Variants in SLC5A8 observed in about 807,000 individuals in gnomAD.
SLC5A8 encodes solute carrier family 5 member 8.
SLC5A8 carries 55 observed loss-of-function variants against 71.9 expected under a neutral mutation model. The observed-to-expected ratio is 0.77, with a 90% CI of 0.62 to 0.96. The LOEUF is 0.96. Among genes scored for constraint, SLC5A8 ranks in the 40% least tolerant of loss-of-function variants. The pLI is 0.00. For missense variants in SLC5A8, 701 were observed against 745.3 expected (o/e 0.94, Z 0.69); for synonymous variants, 307 against 276.1 (o/e 1.11, Z -1.11).
At chr12:101,177,442 TATACACACACACACAC>T (rs1194275733) in intron 10 of SLC5A8, among the ~76,000 whole-genome samples, 6 of 133,438 alleles carry the variant, frequency 4.5e-5, no homozygotes, top group African/African-American at 1.9e-4. Context: ...AAAGGCAGTA[TATACACACACACACAC>T]ACACACACAC....
Position 101,209,528 on chromosome 12 carries a change from G to A in SLC5A8, c.321C>T (p.Phe107=). Residue 107 remains phenylalanine (F), a synonymous_variant, in exon 1 of 15, where the codon TTC becomes TTT. Transcript: ENST00000536262. ...AGGTGCTGGTAATTCCCAGTTTGTA[G>A]AACACCGGGAGGAAGACCTCCGCGC... is the stretch of plus-strand genomic sequence containing the variant. ...VISAEVFLPV[F]YKLGITSTYE... 1 of 1,594,096 alleles carries A rather than the reference G, an allele frequency of 6.3e-7. No individual in the cohort carries two copies. The highest frequency in any genetic ancestry group is 8.6e-7 in the Non-Finnish European group (1 of 1,167,370).
Position 101,190,576 on chromosome 12 carries a change from A to G in SLC5A8, c.725T>C (p.Phe242Ser). 1 of 1,613,022 alleles carries G rather than the reference A, an allele frequency of 6.2e-7. No homozygotes were observed. Among genetic ancestry groups the G allele is most frequent in the Non-Finnish European group, 8.5e-7 (1 of 1,179,610 alleles). Residue 242 changes from phenylalanine to serine, a missense_variant, in exon 6 of 15, where the codon TTC (phenylalanine) becomes TCC (serine). By Grantham distance (155) the Phe-to-Ser change is radical. Transcript: ENST00000536262. ...GGTCCCTCCTATAATAATTGTCCAG[A>G]AGGTGTGTCTTTGCAAAGGGTTAGG... ...FNPNPLQRHT[F>S]WTIIIGGTFT...
At chr12:101,193,885 G>C (rs975852283) in intron 4 of SLC5A8, 106 bp from the exon 5 acceptor site, 8 of 1,125,680 alleles carry the variant, frequency 7.1e-6, no homozygotes, top group Non-Finnish European at 8.7e-6. Flanking sequence ...ATGAATGTTG[G>C]CTAAGAAGTG....
At chr12:101,177,393 T>C (rs1344549612) in intron 10 of SLC5A8, among the ~76,000 whole-genome samples, 1 of 151,640 alleles carries the variant, frequency 6.6e-6, no homozygotes, top group Admixed American at 6.6e-5. Context: ...TCCTTCCCAA[T>C]TTATTTTATG....
At chr12:101,178,336 A>G (rs1206303330) in intron 10 of SLC5A8, among the ~76,000 whole-genome samples, 5 of 152,172 alleles carry the variant, frequency 3.3e-5, no homozygotes, top group Non-Finnish European at 7.4e-5. Flanking sequence ...AAGAACTAGA[A>G]TAGCTAAAAC....
At position 101,209,652 on chromosome 12, in the gene SLC5A8, A is replaced by T. The variant is rs771390167; in HGVS notation, c.197T>A (p.Met66Lys). ...GGTGCCCAGGACAGTGACGGCTGACATGAAGCTAGCGGTGAGGGACAGCGC... is the reference window on the plus strand; with the variant it reads ...GGTGCCCAGGACAGTGACGGCTGACTTGAAGCTAGCGGTGAGGGACAGCGC... Reference protein sequence around the residue: ...PVALSLTASFMSAVTVLGTPS... With the variant: ...PVALSLTASFKSAVTVLGTPS... Residue 66 changes from methionine to lysine, a missense_variant, in exon 1 of 15, where the codon ATG becomes AAG. Physicochemically the swap from Met to Lys is moderately conservative, Grantham distance 95. Transcript: ENST00000536262. The T allele has an allele frequency of 6.2e-7, 1 of 1,613,962 alleles. No homozygotes were observed. Among genetic ancestry groups the T allele is most frequent in the Non-Finnish European group, 8.5e-7 (1 of 1,180,034 alleles).
chr12:101,196,634 C>G (rs1869189528), intron 3 of SLC5A8, among the ~76,000 whole-genome samples: 1 of 152,050 alleles, frequency 6.6e-6, no homozygotes, highest in African/African-American at 2.4e-5. Flanking sequence ...CATTACCACA[C>G]AGAGGAAACA....
rs763517388 is a variant in SLC5A8 at position 101,157,387 on chromosome 12, C to CA, written c.1724dup (p.Leu575PhefsTer4). 1.9e-6 allele frequency: 3 copies of CA among 1,602,058 alleles called. No individual in the cohort carries two copies. The highest frequency in any genetic ancestry group is 1.3e-5 in the African/African-American group (1 of 74,442). On this transcript the variant is annotated frameshift_variant, in exon 15 of 15. Transcript: ENST00000536262. LOFTEE classifies it high-confidence loss of function. ...CTTCCACTGGATGTGATTTATAGCTCAAAACATGCTTCTTCTAAAAGAAAA... is the reference window on the plus strand; with the variant it reads ...CTTCCACTGGATGTGATTTATAGCTCAAAAACATGCTTCTTCTAAAAGAAAA...
At position 101,166,695 on chromosome 12, in the gene SLC5A8, G is replaced by T; in HGVS notation, c.1325C>A (p.Ala442Glu). The T allele has an allele frequency of 6.3e-7, 1 of 1,596,994 alleles. No homozygotes were observed. Among genetic ancestry groups the T allele is most frequent in the South Asian group, 1.1e-5 (1 of 87,650 alleles). Residue 442 changes from alanine to glutamate, a missense_variant, in exon 12 of 15, where the codon GCA becomes GAA. Coordinates refer to ENST00000536262, the MANE Select transcript of SLC5A8 (RefSeq NM_145913.5). ...AAATCCAGCCATCAGACCAACAAGTGCTCCCTGTAAAACAAGAATGCCTTT... is the reference window on the plus strand; with the variant it reads ...AAATCCAGCCATCAGACCAACAAGTTCTCCCTGTAAAACAAGAATGCCTTT... ...ILVPFANSIGALVGLMAGFAI... is the reference protein window; with the variant it reads ...ILVPFANSIGELVGLMAGFAI...
At chr12:101,194,173 A>G (rs1343052949) in intron 4 of SLC5A8, among the ~76,000 whole-genome samples, 11 of 152,178 alleles carry the variant, frequency 7.2e-5, no homozygotes, top group Admixed American at 7.2e-4. Flanking sequence ...CAGAGGTGAT[A>G]TTTAATTGGT....
chr12:101,204,713 A>G (rs1336889057), intron 1 of SLC5A8, 148 bp from the exon 2 acceptor site: 1 of 616,758 alleles, frequency 1.6e-6, no homozygotes, highest in East Asian at 2.8e-5. Flanking sequence ...TTTTATTTAT[A>G]CACAGCAAAA....
At chr12:101,180,746 G>T (rs1002632047) in intron 9 of SLC5A8, among the ~76,000 whole-genome samples, 4 of 150,046 alleles carry the variant, frequency 2.7e-5, no homozygotes, top group Non-Finnish European at 5.9e-5. Flanking sequence ...TAGAGACGGG[G>T]TGTCGCTATG....
intron 14 of SLC5A8, among the ~76,000 whole-genome samples, 181 bp from the exon 15 acceptor site, chr12:101,157,582 G>A (rs975159245): frequency 1.3e-5 from 2 of 151,986 alleles, no homozygotes; most frequent in African/African-American, 2.4e-5. Context: ...ACAGATACAG[G>A]TTATCAGAAG....
rs761991155 is a variant in SLC5A8, at chr12:101,166,628, A to G, written c.1392T>C (p.Pro464=). The G allele has an allele frequency of 6.2e-7, 1 of 1,613,898 alleles. No homozygotes were observed. Among genetic ancestry groups the G allele is most frequent in the South Asian group, 1.1e-5 (1 of 91,038 alleles). ...ATGGCAATGTTCTCTCAGGAAGTGG[A>G]GGATATATTTGAGCTCCAATTCCAA... ...LWVGIGAQIY[P]PLPERTLPLH... Residue 464 remains proline (P), a synonymous_variant, in exon 12 of 15, where the codon CCT becomes CCC. Transcript: ENST00000536262.
Position 101,192,306 on chromosome 12 carries a change from T to C in SLC5A8, c.692+1319A>G, listed in dbSNP as rs74420787. Among the ~76,000 whole-genome samples, 1,458 of 152,362 alleles carry C rather than the reference T, an allele frequency of 9.6e-3. 28 individuals carry two copies. Among genetic ancestry groups the C allele is most frequent in the South Asian group, 0.053 (255 of 4,832 alleles). ...AAGTTGATTCACTAAAATTTATCCC[T>C]GTAAATTAACACATTGACCCTGTCC... On this transcript the variant is annotated intron_variant, in intron 5 of 14. Coordinates refer to ENST00000536262, the MANE Select transcript of SLC5A8 (RefSeq NM_145913.5).
chr12:101,195,184 A>G, intron 3 of SLC5A8, 22 bp from the exon 4 acceptor site: 1 of 1,611,788 alleles, frequency 6.2e-7, no homozygotes. Flanking sequence ...AATAGAATGC[A>G]TATATAATTG....
intron 14 of SLC5A8, 64 bp from the exon 15 acceptor site, chr12:101,157,465 T>C (rs1177408949): frequency 1.3e-6 from 2 of 1,500,874 alleles, no homozygotes; most frequent in East Asian, 4.9e-5. Flanking sequence ...CATGTAATTC[T>C]AAATAATTGT....
At chr12:101,198,867 T>A (rs11110696) in intron 3 of SLC5A8, among the ~76,000 whole-genome samples, 14,365 of 151,912 alleles carry the variant, frequency 0.095, 784 homozygotes, top group Non-Finnish European at 0.12. Flanking sequence ...ATCCCAAGAA[T>A]GCAAAAATTG....
chr12:101,182,905 A>AG lies in SLC5A8; in HGVS notation c.1062dup (p.Ser355LeufsTer4). On this transcript the variant is annotated frameshift_variant, in exon 9 of 15. Transcript: ENST00000536262. LOFTEE classifies it high-confidence loss of function. ...ACTGCTGCTAAGGCATTAATACTGG[A>AG]GGACACTGTGCTGTAAGGGAAAATA... 1 of 1,571,450 alleles carries AG rather than the reference A, an allele frequency of 6.4e-7. No homozygotes were observed. Among genetic ancestry groups the AG allele is most frequent in the Non-Finnish European group, 8.6e-7 (1 of 1,163,416 alleles).
Sources: allele counts gnomAD v4.1 joint callset (sites outside exome capture counted in the v4.1 genomes callset), GRCh38; gene constraint gnomAD v4.1.1; transcripts MANE v1.5; gene names NCBI Gene and HGNC (gene_info 2026-07-23, HGNC 2026-07-21).